Variants in APC2 observed in about 807,000 individuals in gnomAD.
APC2 encodes the protein APC regulator of Wnt signaling pathway 2.
In APC2, 41 loss-of-function variants were observed where a neutral mutation model predicts 72.5. The observed-to-expected ratio is 0.57, with a 90% CI of 0.44 to 0.73. The LOEUF (loss-of-function observed/expected upper bound fraction) is 0.73, where lower values mean the gene tolerates loss of function less well. Ranked by LOEUF, APC2 falls within the 30% of genes least tolerant of loss-of-function variation. The probability of loss-of-function intolerance (pLI) is 0.00; values close to 1 mark genes in which losing one functional copy is unlikely to be tolerated. For synonymous variants in APC2, 1,898 were observed against 1,612.0 expected (o/e 1.18, Z -4.25); for missense variants, 3,729 against 3,403.4 (o/e 1.10, Z -2.38).
intron 9 of APC2, 147 bp downstream of exon 9, chr19:1,457,390 G>C: frequency 8.2e-7 from 1 of 1,225,996 alleles, no homozygotes; most frequent in Non-Finnish European, 1.1e-6. Flanking sequence ...AGGCCTGTGG[G>C]GGCATTTGAC....
At chr19:1,448,220 C>T (rs762165860), upstream of APC2, among the ~76,000 whole-genome samples, 86 of 152,218 alleles carry the variant, frequency 5.6e-4, no homozygotes, top group Non-Finnish European at 4.9e-4. Flanking sequence ...CCCAAGCATG[C>T]ATTGATCTTC....
At chr19:1,457,895 C>CGGGGCGGGG (rs71174372) in intron 9 of APC2, 70 bp from the exon 10 acceptor site, 8 of 1,251,680 alleles carry the variant, frequency 6.4e-6, no homozygotes, top group Non-Finnish European at 7.5e-6. Context: ...GGGCGGGTTG[C>CGGGGCGGGG]GGGACCTTCG....
chr19:1,469,233 G>T lies in APC2; in HGVS notation c.5932G>T (p.Ala1978Ser), dbSNP rs1383238074. 1.4e-6 allele frequency: 2 copies of T among 1,423,508 alleles called. No homozygotes were observed. The highest frequency in any genetic ancestry group is 5.0e-5 in the Admixed American group (2 of 40,142). The allele number at this position is 1,423,508 out of a possible 1,614,324, so 88.2% of individuals were successfully genotyped here. A position where few individuals can be genotyped will look rare whatever the true frequency, so the allele number is the denominator to read the frequency against. The part of the protein sequence containing the change: ...GRLGLVRVAS[A>S]LSSGSESSDR... ...CCTGGGCCTGGTGCGTGTGGCCTCA[G>T]CCCTCTCCAGCGGCAGCGAGTCCTC... The change falls in exon 15 of 15, where the codon GCC becomes TCC. Residue 1978 changes from alanine to serine, a missense_variant. Coordinates refer to ENST00000590469, the MANE Select transcript of APC2 (RefSeq NM_005883.3).
Position 1,467,540 on chromosome 19 carries a change from A to AC in APC2, c.4245dup (p.Arg1416GlnfsTer88). ...CGCTCAGCGACGAGACGCTGCAGGG[A>AC]CCCCCCAGGGACCAGCCCGGGGGAC... is the stretch of plus-strand genomic sequence containing the variant. On this transcript the variant is annotated frameshift_variant, in exon 15 of 15. Coordinates refer to ENST00000590469, the MANE Select transcript of APC2 (RefSeq NM_005883.3). LOFTEE classifies it low-confidence loss of function (END_TRUNC). 3.4e-6 allele frequency: 5 copies of AC among 1,489,070 alleles called. No homozygotes were observed. The highest frequency in any genetic ancestry group is 4.4e-6 in the Non-Finnish European group (5 of 1,125,068). 92.2% of individuals were successfully genotyped at this position (1,489,070 alleles called of 1,614,324 possible). A position where few individuals can be genotyped will look rare whatever the true frequency, so the allele number is the denominator to read the frequency against.
chr19:1,457,677 A>G, intron 9 of APC2: 1 of 535,250 alleles, frequency 1.9e-6, no homozygotes, highest in South Asian at 2.0e-5. Flanking sequence ...CAGTCTGGAC[A>G]ACAGAGCGAG....
rs750899180 is a variant in APC2, at chr19:1,455,224, C to G, written c.489C>G (p.Ser163=). ...ACTACTCTCAGCTGCAGGGCCTGTC[C>G]AAGCGCCTGGACGAGCTGCCGCACG... ...LWYYSQLQGL[S]KRLDELPHVE... is the part of the protein sequence containing the mutation. The change falls in exon 5 of 15, where the codon TCC becomes TCG. Residue 163 remains serine (S), a synonymous_variant. Coordinates refer to ENST00000590469, the MANE Select transcript of APC2 (RefSeq NM_005883.3). 1.3e-6 allele frequency: 2 copies of G among 1,581,956 alleles called. No homozygotes were observed. The highest frequency in any genetic ancestry group is 1.9e-5 in the Admixed American group (1 of 52,094).
intron 10 of APC2, chr19:1,458,619 T>A (rs2083875991): frequency 6.5e-6 from 1 of 154,814 alleles, no homozygotes; most frequent in South Asian, 2.0e-4. Flanking sequence ...TGGGAGGATC[T>A]CTTGAGCCCA....
upstream of APC2, among the ~76,000 whole-genome samples, chr19:1,449,507 G>C (rs755785569): frequency 2.0e-5 from 3 of 152,178 alleles, no homozygotes; most frequent in Non-Finnish European, 4.4e-5. Flanking sequence ...GAGAACAGAG[G>C]GGGAGACAGA....
In APC2 at chr19:1,452,980, C is replaced by T; in HGVS notation, c.-18-4C>T. 6.2e-7 allele frequency: 1 copy of T among 1,610,294 alleles called. No individual in the cohort carries two copies. Among genetic ancestry groups the T allele is most frequent in the Non-Finnish European group, 8.5e-7 (1 of 1,179,624 alleles). ...AGCTGAACCCTCTGACCCTGTGATCCCAGACGCTGCAGGAGCTGAAGATGG... is the reference window on the plus strand; with the variant it reads ...AGCTGAACCCTCTGACCCTGTGATCTCAGACGCTGCAGGAGCTGAAGATGG... On this transcript the variant is annotated splice_polypyrimidine_tract_variant and splice_region_variant and intron_variant, in intron 1 of 14. Coordinates refer to ENST00000590469, the MANE Select transcript of APC2 (RefSeq NM_005883.3). This position sits in a 1 kb window ranked among gnomAD's most constrained non-coding sequence, Gnocchi z 5.1.
At chr19:1,464,338 T>C (rs2083971556) in intron 14 of APC2, among the ~76,000 whole-genome samples, 1 of 151,802 alleles carries the variant, frequency 6.6e-6, no homozygotes, top group Non-Finnish European at 1.5e-5. Context: ...AAAATAAAAA[T>C]GTTGTTAAAT....
In APC2 at chr19:1,467,058, C is replaced by T. The variant is rs756181897; in HGVS notation, c.3757C>T (p.Pro1253Ser). Residue 1253 changes from proline (P) to serine (S), a missense_variant, in exon 15 of 15, where the codon CCA (proline) becomes TCA (serine). By Grantham distance (74) the Pro-to-Ser change is moderately conservative. Coordinates refer to ENST00000590469, the MANE Select transcript of APC2 (RefSeq NM_005883.3). ...IADCRERCRL[P>S]SELDAGSVRF... ...CGACTGCCGGGAGCGCTGCCGGCTG[C>T]CATCTGAGCTGGACGCAGGCAGCGT... is the stretch of plus-strand genomic sequence containing the variant. 8.7e-6 allele frequency: 14 copies of T among 1,611,694 alleles called. No homozygotes were observed. The highest frequency in any genetic ancestry group is 4.0e-5 in the African/African-American group (3 of 74,924).
At chr19:1,453,658 G>C (rs1028632202) in intron 4 of APC2, 47 bp downstream of exon 4, 5 of 1,551,560 alleles carry the variant, frequency 3.2e-6, no homozygotes, top group African/African-American at 1.4e-5. Flanking sequence ...AGCATGACTC[G>C]GTCCCCAGCG....
rs781470804 is a variant in APC2, at chr19:1,450,274, G to A, written c.-83G>A. 8.1e-6 allele frequency: 8 copies of A among 985,418 alleles called. No homozygotes were observed. Among genetic ancestry groups the A allele is most frequent in the Non-Finnish European group, 9.6e-6 (8 of 829,918 alleles). The allele number at this position is 985,418 out of a possible 1,614,324, so 61.0% of individuals were successfully genotyped here. Reference sequence around the variant, plus strand: ...GGCCGGGATTTCCGGTGGGGCCCGCGGAGCCGCGCAGAGGGAGGAGGCCCC... The same window carrying A: ...GGCCGGGATTTCCGGTGGGGCCCGCAGAGCCGCGCAGAGGGAGGAGGCCCC... On this transcript the variant is annotated 5_prime_UTR_variant, in exon 1 of 15. Coordinates refer to ENST00000590469, the MANE Select transcript of APC2 (RefSeq NM_005883.3).
Position 1,450,225 on chromosome 19 carries a change from C to T in APC2, c.-132C>T, listed in dbSNP as rs1164723371. ...TGCCCGCGCCGCGGAGACCCCGGAGCCCGCGCGCTCCGAGGCCACCCCGGG... is the reference window on the plus strand; with the variant it reads ...TGCCCGCGCCGCGGAGACCCCGGAGTCCGCGCGCTCCGAGGCCACCCCGGG... On this transcript the variant is annotated 5_prime_UTR_variant, in exon 1 of 15. Transcript: ENST00000590469. 2.0e-6 allele frequency: 2 copies of T among 985,284 alleles called. No individual in the cohort carries two copies. The highest frequency in any genetic ancestry group is 5.2e-4 in the Middle Eastern group (1 of 1,934). 61.0% of individuals were successfully genotyped at this position (985,284 alleles called of 1,614,324 possible). A position where few individuals can be genotyped will look rare whatever the true frequency, so the allele number is the denominator to read the frequency against.
chr19:1,456,714 C>G, intron 8 of APC2, 139 bp from the exon 9 acceptor site: 2 of 1,155,374 alleles, frequency 1.7e-6, no homozygotes, highest in Non-Finnish European at 2.4e-6. Flanking sequence ...GTGCAGCCTC[C>G]TAGCGTCCCC....
intron 4 of APC2, among the ~76,000 whole-genome samples, chr19:1,454,248 C>T (rs2083783822): frequency 6.6e-6 from 1 of 152,192 alleles, no homozygotes. Flanking sequence ...CACTTTGAGC[C>T]TGAAGCTACC....
intron 4 of APC2, among the ~76,000 whole-genome samples, chr19:1,454,092 T>C (rs1306491781): frequency 6.6e-6 from 1 of 152,128 alleles, no homozygotes; most frequent in African/African-American, 2.4e-5. Flanking sequence ...GATGGGGCCA[T>C]TGAAGAGCAG....
chr19:1,464,040 G>A (rs2083967391), intron 14 of APC2, among the ~76,000 whole-genome samples: 2 of 151,966 alleles, frequency 1.3e-5, no homozygotes, highest in African/African-American at 2.4e-5. Flanking sequence ...CCAGTGGGGT[G>A]GTGGACGCCT....
At position 1,466,742 on chromosome 19, in the gene APC2, G is replaced by A. The variant is rs2084023957; in HGVS notation, c.3441G>A (p.Ser1147=). The change falls in exon 15 of 15, where the codon TCG becomes TCA. Residue 1147 remains serine (S), a synonymous_variant. Coordinates refer to ENST00000590469, the MANE Select transcript of APC2 (RefSeq NM_005883.3). ...LGVEDATPSS[S]SENYVQETPL... ...TGGAAGACGCCACGCCGTCCAGCTC[G>A]TCGGAGAACTACGTGCAGGAGACAC... 6.5e-7 allele frequency: 1 copy of A among 1,545,066 alleles called. No individual in the cohort carries two copies. Among genetic ancestry groups the A allele is most frequent in the African/African-American group, 1.4e-5 (1 of 73,294 alleles).
Sources: gnomAD v4.1 joint callset for allele counts (sites outside exome capture counted in the v4.1 genomes callset) on GRCh38, gnomAD v4.1.1 for gene constraint, Gnocchi (gnomAD v3.1) non-coding constraint, MANE v1.5 for transcripts, NCBI Gene and HGNC (gene_info 2026-07-23, HGNC 2026-07-21) for gene names.